The following KIF26B variants were observed in gnomAD, a reference collection of about 807,000 sequenced individuals.
KIF26B encodes the protein kinesin-like protein KIF26B.
A neutral mutation model predicts 151.2 loss-of-function variants in KIF26B; 63 were observed. That is an observed-to-expected ratio of 0.42 (90% CI 0.34 to 0.51). The LOEUF is 0.51. Among genes scored for constraint, KIF26B ranks in the 20% least tolerant of loss-of-function variants. The pLI is 0.07. For synonymous variants in KIF26B, 1,357 were observed against 1,262.1 expected, an observed-to-expected ratio of 1.08 and a Z score of -1.59; for missense variants, 2,813 against 2,913.6, an observed-to-expected ratio of 0.97 and a Z score of 0.79.
At chr1:245,666,081 A>C (rs564525859) in intron 10 of KIF26B, among the ~76,000 whole-genome samples, 2 of 134,324 alleles carry the variant, frequency 1.5e-5, no homozygotes, top group Admixed American at 1.8e-4. Flanking sequence ...AGCTCACTGC[A>C]CCTCTGCCTC....
chr1:245,372,742 C>CGTT (rs1673157808), intron 3 of KIF26B, among the ~76,000 whole-genome samples: 2 of 152,210 alleles, frequency 1.3e-5, no homozygotes, highest in African/African-American at 4.8e-5. Flanking sequence ...GTACACATAA[C>CGTT]ACACGGAGTT....
intron 4 of KIF26B, among the ~76,000 whole-genome samples, chr1:245,431,015 A>G (rs906698760): frequency 1.2e-4 from 18 of 152,240 alleles, no homozygotes; most frequent in Non-Finnish European, 1.9e-4. Context: ...GAATAACTCA[A>G]TGATGGTCTT....
intron 10 of KIF26B, among the ~76,000 whole-genome samples, chr1:245,650,590 G>A (rs1440872086): frequency 2.0e-5 from 3 of 152,272 alleles, no homozygotes; most frequent in African/African-American, 7.2e-5. Context: ...CCCTTAGAAA[G>A]CACACACCTG....
At chr1:245,417,655 C>G (rs1013334503) in intron 3 of KIF26B, among the ~76,000 whole-genome samples, 1 of 152,236 alleles carries the variant, frequency 6.6e-6, no homozygotes, top group Non-Finnish European at 1.5e-5. Context: ...TCAGGAAGCT[C>G]GTGCATTGAA....
intron 4 of KIF26B, among the ~76,000 whole-genome samples, chr1:245,513,629 C>T (rs2103085469): frequency 6.6e-6 from 1 of 152,260 alleles, no homozygotes; most frequent in South Asian, 2.1e-4. Context: ...CTCAACGATC[C>T]CACTATGCTG....
At chr1:245,190,069 T>A (rs1378734552) in intron 2 of KIF26B, among the ~76,000 whole-genome samples, 1 of 91,676 alleles carries the variant, frequency 1.1e-5, no homozygotes, top group East Asian at 3.7e-4. Flanking sequence ...GGAGCTACAA[T>A]TCAAGATGAA....
At chr1:245,365,746 C>T (rs545722296) in intron 2 of KIF26B, among the ~76,000 whole-genome samples, 18 of 152,256 alleles carry the variant, frequency 1.2e-4, no homozygotes, top group Middle Eastern at 3.4e-3. Flanking sequence ...AGTTCCCCCA[C>T]GAACGGAGTC....
chr1:245,494,969 G>A (rs1176458865), intron 4 of KIF26B, among the ~76,000 whole-genome samples: 2 of 152,116 alleles, frequency 1.3e-5, no homozygotes, highest in East Asian at 3.9e-4. Context: ...GAGCCTGGGA[G>A]GTCAAGGTTG....
intron 2 of KIF26B, among the ~76,000 whole-genome samples, chr1:245,185,031 C>T (rs1255585670): frequency 1.3e-5 from 2 of 152,114 alleles, no homozygotes; most frequent in Admixed American, 6.5e-5. Context: ...CCATAGTTAG[C>T]GTTCAGAGCC....
intron 10 of KIF26B, among the ~76,000 whole-genome samples, chr1:245,650,285 C>G (rs766706012): frequency 6.6e-6 from 1 of 152,222 alleles, no homozygotes; most frequent in South Asian, 2.1e-4. Flanking sequence ...TTCCTTACTG[C>G]TCTTGGGCAC....
chr1:245,156,676 C>T lies in KIF26B; in HGVS notation c.458C>T (p.Pro153Leu), dbSNP rs1462081144. Reference protein sequence around the residue: ...ALRLLLPGPFPGKDPAFSAVI... With the variant: ...ALRLLLPGPFLGKDPAFSAVI... ...AGGTTGCTCCTCCCGGGGCCCTTCC[C>T]GGGCAAGGTGAGCGCCGCGCGGGGC... The change falls in exon 2 of 15, where the codon CCG becomes CTG. Residue 153 changes from proline (P) to leucine (L), a missense_variant. Physicochemically the swap from Pro to Leu is moderately conservative, Grantham distance 98. This residue lies in a region of KIF26B where 676 missense variants were observed against 688.1 expected (regional missense o/e 0.98). Transcript: ENST00000407071. 4 of 1,496,126 alleles carry T rather than the reference C, an allele frequency of 2.7e-6. No individual in the cohort carries two copies. The highest frequency in any genetic ancestry group is 2.9e-5 in the African/African-American group (2 of 68,592). The allele number at this position is 1,496,126 out of a possible 1,614,324, so 92.7% of individuals were successfully genotyped here. A position where few individuals can be genotyped will look rare whatever the true frequency, so the allele number is the denominator to read the frequency against.
chr1:245,549,966 A>G (rs1661838707), intron 5 of KIF26B, among the ~76,000 whole-genome samples: 1 of 152,188 alleles, frequency 6.6e-6, no homozygotes, highest in East Asian at 1.9e-4. Context: ...TTTAGTAGAG[A>G]GGGGGTTTCA....
chr1:245,699,926 G>C (rs1235444832), intron 14 of KIF26B, among the ~76,000 whole-genome samples: 1 of 152,184 alleles, frequency 6.6e-6, no homozygotes, highest in Non-Finnish European at 1.5e-5. Context: ...AAAAGATATT[G>C]GTGTGAAATG....
rs1200623910 is a variant in KIF26B, at chr1:245,218,236, C to G, written c.465+61553C>G. Among the ~76,000 whole-genome samples the G allele has an allele frequency of 1.3e-5, 2 of 152,198 alleles. No homozygotes were observed. Among genetic ancestry groups the G allele is most frequent in the Non-Finnish European group, 2.9e-5 (2 of 68,042 alleles). ...TGACATTCGGGCCCTCGGGGGCAGA[C>G]TGTGCCTGTGGCTTCTCAGTGGGGT... On this transcript the variant is annotated intron_variant, in intron 2 of 14. Transcript: ENST00000407071. This position sits in a 1 kb window ranked among gnomAD's most constrained non-coding sequence, Gnocchi z 4.1.
chr1:245,460,960 G>T (rs935941495), intron 4 of KIF26B, among the ~76,000 whole-genome samples: 1 of 152,232 alleles, frequency 6.6e-6, no homozygotes, highest in Non-Finnish European at 1.5e-5. Flanking sequence ...ATAGTAAGGA[G>T]TGAGGCTGAT....
chr1:245,424,302 C>T (rs1468016487), intron 4 of KIF26B, among the ~76,000 whole-genome samples: 2 of 152,158 alleles, frequency 1.3e-5, no homozygotes, highest in African/African-American at 2.4e-5. Flanking sequence ...GTGTGCACCA[C>T]CACATCAGCT....
At chr1:245,589,323 T>C (rs1311601913) in intron 5 of KIF26B, among the ~76,000 whole-genome samples, 2 of 152,284 alleles carry the variant, frequency 1.3e-5, no homozygotes, top group East Asian at 1.9e-4. Context: ...AAGGACGCCT[T>C]CTTTTCACCA....
At chr1:245,632,805 G>A (rs913712621) in intron 9 of KIF26B, among the ~76,000 whole-genome samples, 1 of 152,218 alleles carries the variant, frequency 6.6e-6, no homozygotes, top group African/African-American at 2.4e-5. Flanking sequence ...CTACTCCGGA[G>A]GCCAAGGTGG....
At position 245,272,411 on chromosome 1, in the gene KIF26B, A is replaced by G. The variant is rs77425536; in HGVS notation, c.466-94423A>G. On this transcript the variant is annotated intron_variant, in intron 2 of 14. Coordinates refer to ENST00000407071, the MANE Select transcript of KIF26B (RefSeq NM_018012.4). ...CCCGCCCCCTTCATCTCTTTAAAAAACAAACAAACAAAAAACAGATCATTA... is the reference window on the plus strand; with the variant it reads ...CCCGCCCCCTTCATCTCTTTAAAAAGCAAACAAACAAAAAACAGATCATTA... Among the ~76,000 whole-genome samples the G allele has an allele frequency of 8.0e-3, 1,218 of 152,274 alleles. 10 individuals are homozygous for G. Among genetic ancestry groups the G allele is most frequent in the Non-Finnish European group, 0.014 (928 of 68,012 alleles).
Sources: allele counts gnomAD v4.1 joint callset (sites outside exome capture counted in the v4.1 genomes callset), GRCh38; gene constraint gnomAD v4.1.1; regional missense constraint gnomAD v4.1.1; non-coding constraint Gnocchi (gnomAD v3.1); transcripts MANE v1.5; gene names NCBI Gene and HGNC (gene_info 2026-07-23, HGNC 2026-07-21).